Variants in PSMB2 observed in about 807,000 individuals in gnomAD.
The protein encoded by PSMB2 is proteasome 20S subunit beta 2.
A neutral mutation model predicts 25.7 loss-of-function variants in PSMB2; 13 were observed. That is an observed-to-expected ratio of 0.51 (90% CI 0.33 to 0.80). The LOEUF is 0.80. Ranked by LOEUF, PSMB2 falls within the 30% of genes least tolerant of loss-of-function variation. PSMB2 has a pLI of 0.02. For synonymous variants in PSMB2, 87 were observed against 96.2 expected (o/e 0.90, Z 0.56); for missense variants, 202 against 259.0 (o/e 0.78, Z 1.51).
At chr1:35,615,472 G>A (rs1310874617) in intron 3 of PSMB2, among the ~76,000 whole-genome samples, 5 of 152,232 alleles carry the variant, frequency 3.3e-5, no homozygotes, top group African/African-American at 1.2e-4. Context: ...CCTCTCTTAT[G>A]AAAAAGAAAC....
intron 4 of PSMB2, among the ~76,000 whole-genome samples, chr1:35,607,002 C>G (rs1188814546): frequency 6.6e-6 from 1 of 152,118 alleles, no homozygotes; most frequent in Non-Finnish European, 1.5e-5. Context: ...TATCCATACA[C>G]AGAAGAATGA....
In PSMB2 at chr1:35,600,381, T is replaced by G. The variant is rs983812017; in HGVS notation, c.*2886A>C. On this transcript the variant is annotated 3_prime_UTR_variant, in exon 6 of 6. Transcript: ENST00000373237. ...TAATACACCAACCAATGTTGGTTTC[T>G]CAGTTTTGACAAACATACTGTGGTA... The G allele has an allele frequency of 1.4e-5, 12 of 834,768 alleles. No individual in the cohort carries two copies. Among genetic ancestry groups the G allele is most frequent in the Non-Finnish European group, 1.6e-5 (11 of 692,784 alleles). 51.7% of individuals were successfully genotyped at this position (834,768 alleles called of 1,614,324 possible). A position where few individuals can be genotyped will look rare whatever the true frequency, so the allele number is the denominator to read the frequency against.
chr1:35,635,550 G>A (rs560505568), intron 2 of PSMB2, among the ~76,000 whole-genome samples: 1 of 152,140 alleles, frequency 6.6e-6, no homozygotes, highest in African/African-American at 2.4e-5. Flanking sequence ...GAAAATATGG[G>A]CTGGGCGTGG....
chr1:35,617,920 C>A (rs1037421022), intron 3 of PSMB2, among the ~76,000 whole-genome samples: 1 of 152,182 alleles, frequency 6.6e-6, no homozygotes, highest in African/African-American at 2.4e-5. Context: ...CATGACATAG[C>A]ACATTGGTTA....
intron 3 of PSMB2, among the ~76,000 whole-genome samples, chr1:35,614,632 C>T (rs1484046189): frequency 2.0e-5 from 3 of 152,176 alleles, no homozygotes; most frequent in Non-Finnish European, 2.9e-5. Flanking sequence ...ACCTAAATAT[C>T]CAAACATTCA....
chr1:35,612,987 C>T (rs1650384314), intron 3 of PSMB2, among the ~76,000 whole-genome samples: 1 of 152,226 alleles, frequency 6.6e-6, no homozygotes, highest in South Asian at 2.1e-4. Flanking sequence ...AACTCCATCA[C>T]TTAATTGGTC....
intron 3 of PSMB2, among the ~76,000 whole-genome samples, chr1:35,613,464 T>TC: frequency 6.6e-6 from 1 of 151,272 alleles, no homozygotes; most frequent in East Asian, 1.9e-4. Context: ...TGAACTATGA[T>TC]CCCCCCACTG....
intron 3 of PSMB2, among the ~76,000 whole-genome samples, chr1:35,627,921 C>G (rs560813894): frequency 6.6e-6 from 1 of 152,226 alleles, no homozygotes; most frequent in African/African-American, 2.4e-5. Context: ...ACCACACATA[C>G]ACAGAGCAAA....
intron 3 of PSMB2, among the ~76,000 whole-genome samples, chr1:35,629,693 C>T (rs577126366): frequency 1.3e-5 from 2 of 151,902 alleles, no homozygotes; most frequent in Non-Finnish European, 2.9e-5. Flanking sequence ...ACCTGTAGTC[C>T]CAGCTACTTG....
At chr1:35,621,610 C>CT (rs1008886135) in intron 3 of PSMB2, among the ~76,000 whole-genome samples, 27 of 151,236 alleles carry the variant, frequency 1.8e-4, no homozygotes, top group South Asian at 4.2e-4. Flanking sequence ...AAATCTGGCC[C>CT]TTTTTTTTTC....
intron 1 of PSMB2, 100 bp downstream of exon 1, chr1:35,641,242 A>T: frequency 6.9e-7 from 1 of 1,454,184 alleles, no homozygotes; most frequent in Non-Finnish European, 9.4e-7. Flanking sequence ...GCCGGCTTCC[A>T]TCTCTCAGAT....
chr1:35,609,893 C>T (rs1336752557), intron 3 of PSMB2, among the ~76,000 whole-genome samples: 2 of 152,026 alleles, frequency 1.3e-5, no homozygotes, highest in Non-Finnish European at 2.9e-5. Flanking sequence ...ATCCCATATA[C>T]CCAATATATA....
rs1162022363 is a variant in PSMB2 at position 35,628,624 on chromosome 1, TATA to T, written c.285+2647_285+2649del. Among the ~76,000 whole-genome samples the T allele has an allele frequency of 2.9e-3, 147 of 50,612 alleles. 6 individuals carry two copies. Among genetic ancestry groups the T allele is most frequent in the African/African-American group, 0.012 (140 of 12,114 alleles). 33.2% of individuals were successfully genotyped at this position (50,612 alleles called of 152,430 possible). On this transcript the variant is annotated intron_variant, in intron 3 of 5. Coordinates refer to ENST00000373237, the MANE Select transcript of PSMB2 (RefSeq NM_002794.5). Reference sequence around the variant, plus strand: ...ATATATATATATATATATATATATATATATATATTTTTTTTTTTTTTTTTAAAG... The same window carrying T: ...ATATATATATATATATATATATATATTATATTTTTTTTTTTTTTTTTAAAG...
chr1:35,619,096 C>T (rs923391796), intron 3 of PSMB2, among the ~76,000 whole-genome samples: 4 of 152,064 alleles, frequency 2.6e-5, no homozygotes, highest in Non-Finnish European at 4.4e-5. Context: ...GGTCATTCTC[C>T]GAAAGTATAT....
At chr1:35,608,576 G>T (rs935735622) in intron 4 of PSMB2, among the ~76,000 whole-genome samples, 2 of 152,126 alleles carry the variant, frequency 1.3e-5, no homozygotes, top group Non-Finnish European at 2.9e-5. Flanking sequence ...GAAACATCAT[G>T]ATGTACTCTA....
chr1:35,635,086 C>T (rs1031951195), intron 2 of PSMB2, among the ~76,000 whole-genome samples: 1 of 151,764 alleles, frequency 6.6e-6, no homozygotes, highest in African/African-American at 2.4e-5. Flanking sequence ...ATGGAGAAAC[C>T]CTGTCTCTAC....
intron 4 of PSMB2, among the ~76,000 whole-genome samples, chr1:35,605,819 G>A (rs1480815561): frequency 6.6e-6 from 1 of 152,120 alleles, no homozygotes; most frequent in East Asian, 1.9e-4. Context: ...AAACTGGGAC[G>A]ACATGTTATG....
chr1:35,606,184 G>C (rs1198989599), intron 4 of PSMB2, among the ~76,000 whole-genome samples: 2 of 152,158 alleles, frequency 1.3e-5, no homozygotes, highest in African/African-American at 4.8e-5. Flanking sequence ...GCATCCCTGT[G>C]TCTAGGAAGT....
At chr1:35,607,804 C>T (rs563047468) in intron 4 of PSMB2, among the ~76,000 whole-genome samples, 5 of 152,102 alleles carry the variant, frequency 3.3e-5, no homozygotes, top group Middle Eastern at 3.4e-3. Context: ...CCTAGGTGTC[C>T]GAGAACAGAT....
Sources: gnomAD v4.1 joint callset for allele counts (sites outside exome capture counted in the v4.1 genomes callset) on GRCh38, gnomAD v4.1.1 for gene constraint, MANE v1.5 for transcripts, NCBI Gene and HGNC (gene_info 2026-07-23, HGNC 2026-07-21) for gene names.